The following VRK2 variants were observed in gnomAD, a reference collection of about 807,000 sequenced individuals.
VRK2 encodes the protein VRK serine/threonine kinase 2, also known as serine/threonine-protein kinase VRK2.
A neutral mutation model predicts 57.6 loss-of-function variants in VRK2; 60 were observed. The ratio of observed to expected loss-of-function variants is 1.04; its 90% CI spans 0.85 to 1.29. The LOEUF (loss-of-function observed/expected upper bound fraction) is 1.29. VRK2 is among the 50% of genes most tolerant of loss of function. VRK2 has a pLI of 0.00. For synonymous variants in VRK2, 231 were observed against 199.2 expected, an observed-to-expected ratio of 1.16 and a Z score of -1.35; for missense variants, 705 against 588.1, an observed-to-expected ratio of 1.20 and a Z score of -2.06.
At chr2:58,099,586 C>T (rs1673665966) in intron 7 of VRK2, among the ~76,000 whole-genome samples, 1 of 152,062 alleles carries the variant, frequency 6.6e-6, no homozygotes, top group African/African-American at 2.4e-5. Flanking sequence ...TTGTAGAGCT[C>T]CTTGCCCCAT....
intron 1 of VRK2, among the ~76,000 whole-genome samples, chr2:57,908,391 A>G (rs1358835503): frequency 2.6e-5 from 4 of 152,216 alleles, no homozygotes; most frequent in African/African-American, 9.6e-5. Flanking sequence ...GGACTTATCT[A>G]TAAATCTTTT....
chr2:58,153,153 T>C (rs1683308217), intron 12 of VRK2, among the ~76,000 whole-genome samples: 1 of 152,028 alleles, frequency 6.6e-6, no homozygotes, highest in Admixed American at 6.6e-5. Context: ...TCAAATCTTA[T>C]GATATGTAAC....
chr2:58,104,260 A>G lies in VRK2; in HGVS notation c.543+14537A>G, dbSNP rs1674425257. ...TGAAATACATCCAGATTGCAAAAGA[A>G]GAAATCGAATTATCTCTATTTGCCA... On this transcript the variant is annotated intron_variant, in intron 7 of 12. Transcript: ENST00000340157. Among the ~76,000 whole-genome samples, 3 of 151,788 alleles carry G rather than the reference A, an allele frequency of 2.0e-5. No homozygotes were observed. In the South Asian group the frequency reaches 6.2e-4, roughly 31 times the overall value.
intron 1 of VRK2, among the ~76,000 whole-genome samples, chr2:57,917,108 C>T (rs897128532): frequency 3.9e-5 from 6 of 152,060 alleles, no homozygotes; most frequent in Non-Finnish European, 8.8e-5. Flanking sequence ...AAAATTTGGT[C>T]AGGAAGTCAT....
At chr2:57,935,325 G>A (rs889779621) in intron 1 of VRK2, among the ~76,000 whole-genome samples, 1 of 152,132 alleles carries the variant, frequency 6.6e-6, no homozygotes, top group Admixed American at 6.5e-5. Context: ...TCTTGGTGGG[G>A]TGTGGGGGAA....
rs1209427840 is a variant in VRK2 at position 58,136,891 on chromosome 2, TGTGTA to T, written c.856+1693_856+1697del. ...TATATCATATATTATATCATATATA[TGTGTA>T]TATATATCATATATATATCATATAT... On this transcript the variant is annotated intron_variant, in intron 10 of 12. Coordinates refer to ENST00000340157, the MANE Select transcript of VRK2 (RefSeq NM_006296.7). Among the ~76,000 whole-genome samples, 2 of 51,988 alleles carry T rather than the reference TGTGTA, an allele frequency of 3.8e-5. 1 individual carries two copies. The highest frequency in any genetic ancestry group is 2.0e-4 in the African/African-American group (2 of 9,884). 34.1% of individuals were successfully genotyped at this position (51,988 alleles called of 152,430 possible). A position where few individuals can be genotyped will look rare whatever the true frequency, so the allele number is the denominator to read the frequency against.
chr2:57,994,646 G>T (rs1485628835), intron 1 of VRK2, among the ~76,000 whole-genome samples: 1 of 152,076 alleles, frequency 6.6e-6, no homozygotes, highest in South Asian at 2.1e-4. Context: ...ATTGAGTTTT[G>T]GTCTCAGGGC....
chr2:58,118,779 G>T (rs6715519), intron 7 of VRK2, among the ~76,000 whole-genome samples: 1 of 152,148 alleles, frequency 6.6e-6, no homozygotes, highest in East Asian at 1.9e-4. Flanking sequence ...GGGTGCAGGC[G>T]GTTGAGTCCG....
chr2:58,130,774 A>G (rs1463078222), intron 8 of VRK2, among the ~76,000 whole-genome samples: 1 of 152,226 alleles, frequency 6.6e-6, no homozygotes, highest in African/African-American at 2.4e-5. Context: ...ACAGATGAAC[A>G]TTCGAGTAAT....
At chr2:57,958,958 AAAACC>A (rs1373811892) in intron 1 of VRK2, among the ~76,000 whole-genome samples, 1 of 152,204 alleles carries the variant, frequency 6.6e-6, no homozygotes, top group African/African-American at 2.4e-5. Context: ...GCTGTACTTA[AAAACC>A]AATCTTGCTA....
At chr2:57,979,288 T>G (rs1212993934) in intron 1 of VRK2, among the ~76,000 whole-genome samples, 1 of 151,168 alleles carries the variant, frequency 6.6e-6, no homozygotes, top group Non-Finnish European at 1.5e-5. Flanking sequence ...ACCAACAGTG[T>G]AAAAGCATTC....
At chr2:58,135,380 T>G (rs753710042) in intron 10 of VRK2, among the ~76,000 whole-genome samples, 181 bp downstream of exon 10, 12 of 151,204 alleles carry the variant, frequency 7.9e-5, no homozygotes, top group Non-Finnish European at 1.6e-4. Flanking sequence ...TCTTTAACAT[T>G]AGAACACAAA....
At chr2:58,044,111 G>A, upstream of VRK2, among the ~76,000 whole-genome samples, 1 of 152,192 alleles carries the variant, frequency 6.6e-6, no homozygotes, top group Non-Finnish European at 1.5e-5. Context: ...TGTGAATTAA[G>A]GGTTGAGGTT....
At chr2:58,010,620 G>A (rs1451453171) in intron 1 of VRK2, among the ~76,000 whole-genome samples, 1 of 152,040 alleles carries the variant, frequency 6.6e-6, no homozygotes, top group Middle Eastern at 3.2e-3. Context: ...GGGTATGCAG[G>A]GAGTTTCCTA....
chr2:57,925,818 T>C (rs1480967726), intron 1 of VRK2, among the ~76,000 whole-genome samples: 1 of 151,914 alleles, frequency 6.6e-6, no homozygotes, highest in Non-Finnish European at 1.5e-5. Flanking sequence ...GATGTATTGT[T>C]AGGTTGTTCA....
intron 1 of VRK2, among the ~76,000 whole-genome samples, chr2:57,997,259 T>C (rs377682201): frequency 6.6e-6 from 1 of 152,000 alleles, no homozygotes; most frequent in Non-Finnish European, 1.5e-5. Context: ...TAGATCTAGA[T>C]ATAATTAGCC....
chr2:57,953,322 G>C (rs1381583567), intron 1 of VRK2, among the ~76,000 whole-genome samples: 4 of 152,094 alleles, frequency 2.6e-5, no homozygotes, highest in Non-Finnish European at 5.9e-5. Flanking sequence ...TTGAGCATTT[G>C]TCATAACATA....
At chr2:57,944,829 T>TC (rs1558506295) in intron 1 of VRK2, among the ~76,000 whole-genome samples, 1 of 151,794 alleles carries the variant, frequency 6.6e-6, no homozygotes, top group Non-Finnish European at 1.5e-5. Flanking sequence ...GTTCCCTTTT[T>TC]TTCAAGAAGA....
intron 1 of VRK2, among the ~76,000 whole-genome samples, chr2:57,928,007 T>C (rs1241762792): frequency 2.6e-5 from 4 of 152,156 alleles, no homozygotes; most frequent in Admixed American, 2.6e-4. Flanking sequence ...TTATTAAATG[T>C]CTTCTTTGGG....
Sources: gnomAD v4.1 joint callset for allele counts (sites outside exome capture counted in the v4.1 genomes callset) on GRCh38, gnomAD v4.1.1 for gene constraint, MANE v1.5 for transcripts, NCBI Gene and HGNC (gene_info 2026-07-23, HGNC 2026-07-21) for gene names.